The following TSPAN15 variants were observed in gnomAD, a reference collection of about 807,000 sequenced individuals.
TSPAN15 encodes tetraspanin-15.
In TSPAN15, 20 loss-of-function variants were observed where a neutral mutation model predicts 34.5. The ratio of observed to expected loss-of-function variants is 0.58; its 90% CI spans 0.41 to 0.84. The LOEUF (loss-of-function observed/expected upper bound fraction) is 0.84, where lower values mean the gene tolerates loss of function less well. Among genes scored for constraint, TSPAN15 ranks in the 40% least tolerant of loss-of-function variants. TSPAN15 has a pLI of 0.00. For synonymous variants in TSPAN15, 155 were observed against 153.9 expected, an observed-to-expected ratio of 1.01 and a Z score of -0.05; for missense variants, 313 against 386.1, an observed-to-expected ratio of 0.81 and a Z score of 1.59.
At chr10:69,530,820 C>CTCTATATA in the TSPAN15 span, among the ~76,000 whole-genome samples, 34 of 30,764 alleles carry the variant, frequency 1.1e-3, no homozygotes, top group East Asian at 5.8e-3. Context: ...CTCTCTCTCT[C>CTCTATATA]TATATATATA....
In TSPAN15 at chr10:69,452,596, G is replaced by C. The variant is rs148359064; in HGVS notation, c.96+906G>C. On this transcript the variant is annotated intron_variant, in intron 1 of 7. Coordinates refer to ENST00000373290, the MANE Select transcript of TSPAN15 (RefSeq NM_012339.5). ...TGGTGCCTAGTGAAGAGCTCAAGAA[G>C]TGTGAGACATTATTACTATCGTGGG... 3.2e-3 allele frequency among the ~76,000 whole-genome samples: 489 copies of C among 152,310 alleles called. 3 individuals carry two copies. Among genetic ancestry groups the C allele is most frequent in the Middle Eastern group, 0.014 (4 of 294 alleles).
At chr10:69,530,427 C>T in the TSPAN15 span, among the ~76,000 whole-genome samples, 1 of 147,746 alleles carries the variant, frequency 6.8e-6, no homozygotes, top group Non-Finnish European at 1.5e-5. Context: ...ACCTTAATAA[C>T]AAAATCTGAT....
intron 1 of TSPAN15, among the ~76,000 whole-genome samples, chr10:69,455,533 T>G (rs1324343100): frequency 6.8e-6 from 1 of 147,668 alleles, no homozygotes; most frequent in Non-Finnish European, 1.5e-5. Context: ...TCTTTCTTTC[T>G]CTTTCTTTCT....
the TSPAN15 span, among the ~76,000 whole-genome samples, chr10:69,533,668 G>T: frequency 1.8e-4 from 27 of 151,996 alleles, no homozygotes; most frequent in African/African-American, 6.5e-4. Context: ...TATGGAAAAA[G>T]AAAAAATATA....
In TSPAN15 at chr10:69,507,649, A is replaced by ATGTTT; in HGVS notation, c.*673_*677dup. 1 of 1,153,890 alleles carries ATGTTT rather than the reference A, an allele frequency of 8.7e-7. No individual in the cohort carries two copies. Among genetic ancestry groups the ATGTTT allele is most frequent in the African/African-American group, 2.4e-5 (1 of 41,496 alleles). The allele number at this position is 1,153,890 out of a possible 1,614,324, so 71.5% of individuals were successfully genotyped here. On this transcript the variant is annotated 3_prime_UTR_variant, in exon 8 of 8. Coordinates refer to ENST00000373290, the MANE Select transcript of TSPAN15 (RefSeq NM_012339.5). ...AGTTTGTTAATCAAACAATAAAAAC[A>ATGTTT]TGTTTTTTTTTTTTTTTTTTTTTTG...
At chr10:69,466,923 G>A (rs1841396338) in intron 1 of TSPAN15, among the ~76,000 whole-genome samples, 1 of 152,218 alleles carries the variant, frequency 6.6e-6, no homozygotes, top group Non-Finnish European at 1.5e-5. Context: ...GGTCTGGCCA[G>A]CATTGTGCAG....
At chr10:69,463,122 C>T (rs1221232382) in intron 1 of TSPAN15, among the ~76,000 whole-genome samples, 1 of 152,218 alleles carries the variant, frequency 6.6e-6, no homozygotes, top group Admixed American at 6.5e-5. Flanking sequence ...GGCAAGGTTT[C>T]TATGCAGTTA....
chr10:69,543,844 AGTGTGTGTGTGTGTGTGTGTGT>A, the TSPAN15 span, among the ~76,000 whole-genome samples: 85 of 73,806 alleles, frequency 1.2e-3, no homozygotes, highest in African/African-American at 2.3e-3. Flanking sequence ...GAAGAAGGGG[AGTGTGTGTGTGTGTGTGTGTGT>A]GTGTGTGTGT....
chr10:69,538,501 T>C, the TSPAN15 span, among the ~76,000 whole-genome samples: 1 of 152,222 alleles, frequency 6.6e-6, no homozygotes, highest in Non-Finnish European at 1.5e-5. Flanking sequence ...CTAGCTACAG[T>C]GGCCTTGGGT....
At chr10:69,495,775 G>A in intron 4 of TSPAN15, 86 bp downstream of exon 4, 1 of 936,300 alleles carries the variant, frequency 1.1e-6, no homozygotes, top group Non-Finnish European at 1.7e-6. Context: ...TGGGGTGAGG[G>A]ACCAGGTGAC....
At chr10:69,456,635 T>C (rs1255262882) in intron 1 of TSPAN15, among the ~76,000 whole-genome samples, 1 of 152,174 alleles carries the variant, frequency 6.6e-6, no homozygotes, top group East Asian at 1.9e-4. Flanking sequence ...CCTAGCTGGA[T>C]GTCATGGGTG....
chr10:69,538,190 G>T, the TSPAN15 span, among the ~76,000 whole-genome samples: 1 of 152,180 alleles, frequency 6.6e-6, no homozygotes, highest in East Asian at 1.9e-4. Context: ...CAGGAATGGA[G>T]GGGGGAAACA....
chr10:69,534,242 C>G, the TSPAN15 span, among the ~76,000 whole-genome samples: 83 of 152,264 alleles, frequency 5.5e-4, no homozygotes, highest in African/African-American at 1.9e-3. Context: ...AGTACAAAAG[C>G]AGAGACAAAC....
intron 1 of TSPAN15, among the ~76,000 whole-genome samples, chr10:69,455,927 C>G (rs1015202315): frequency 6.6e-6 from 1 of 152,080 alleles, no homozygotes; most frequent in Non-Finnish European, 1.5e-5. Flanking sequence ...TAGGCACTAT[C>G]TCTTACCTTT....
chr10:69,473,358 A>G (rs1472320731), intron 1 of TSPAN15, among the ~76,000 whole-genome samples: 2 of 152,104 alleles, frequency 1.3e-5, no homozygotes, highest in East Asian at 3.9e-4. Context: ...CAAGGCTGCT[A>G]TGGGAGGCAG....
intron 1 of TSPAN15, among the ~76,000 whole-genome samples, chr10:69,470,320 C>T (rs1019220695): frequency 9.2e-5 from 14 of 152,190 alleles, no homozygotes; most frequent in African/African-American, 3.4e-4. Flanking sequence ...CAGTCCTCTC[C>T]ATTGCAAAGG....
chr10:69,525,024 G>A, the TSPAN15 span, among the ~76,000 whole-genome samples: 2 of 147,482 alleles, frequency 1.4e-5, no homozygotes, highest in Admixed American at 7.0e-5. Flanking sequence ...CAGGCAATCC[G>A]CCGGCCTCAG....
At chr10:69,534,146 C>T in the TSPAN15 span, among the ~76,000 whole-genome samples, 1 of 152,024 alleles carries the variant, frequency 6.6e-6, no homozygotes, top group East Asian at 1.9e-4. Flanking sequence ...TACTTCATGC[C>T]AGAAGAAAAT....
At chr10:69,496,372 G>A (rs1233953763) in intron 4 of TSPAN15, among the ~76,000 whole-genome samples, 2 of 132,532 alleles carry the variant, frequency 1.5e-5, no homozygotes, top group Admixed American at 1.5e-4. Flanking sequence ...TAATAATAAT[G>A]GCAGTGGTAG....
Sources: gnomAD v4.1 joint callset for allele counts (sites outside exome capture counted in the v4.1 genomes callset) on GRCh38, gnomAD v4.1.1 for gene constraint, MANE v1.5 for transcripts, NCBI Gene and HGNC (gene_info 2026-07-23, HGNC 2026-07-21) for gene names.